ADD1: variants seen among roughly 807,000 people sequenced by gnomAD.
ADD1 encodes the protein adducin 1, also known as alpha-adducin.
Under a neutral mutation model 80.5 loss-of-function variants are expected in ADD1, and 24 were observed. The observed-to-expected ratio is 0.30, with a 90% CI of 0.22 to 0.42. ADD1 has a LOEUF of 0.42. ADD1 is among the 10% of genes least tolerant of loss of function. ADD1 has a pLI of 1.00. For synonymous variants in ADD1, 373 were observed against 393.8 expected (o/e 0.95, Z 0.63); for missense variants, 948 against 1,019.0 (o/e 0.93, Z 0.95).
chr4:2,897,810 C>G (rs1022247205), intron 6 of ADD1, among the ~76,000 whole-genome samples: 1 of 152,076 alleles, frequency 6.6e-6, no homozygotes, highest in South Asian at 2.1e-4. Flanking sequence ...GTGTGAGCCA[C>G]CATACCTGAT....
chr4:2,876,220 A>C, intron 2 of ADD1, 110 bp downstream of exon 2: 4 of 1,047,634 alleles, frequency 3.8e-6, no homozygotes, highest in East Asian at 2.5e-5. Context: ...TATCACAGGA[A>C]ATCAGTGCCT....
intron 3 of ADD1, among the ~76,000 whole-genome samples, chr4:2,883,462 T>G (rs975325304): frequency 6.6e-6 from 1 of 152,184 alleles, no homozygotes; most frequent in African/African-American, 2.4e-5. Flanking sequence ...TTCTTTCTGT[T>G]AAAATGATCC....
Position 2,876,166 on chromosome 4 carries a change from C to G in ADD1, c.195+56C>G, listed in dbSNP as rs1022292277. 7 of 1,534,264 alleles carry G rather than the reference C, an allele frequency of 4.6e-6. 1 individual carries two copies. In the Admixed American group the frequency reaches 5.9e-5, roughly 13 times the overall value. ...TGTCATCTTTCCTTTTCTAATACTTCAGGTCTTATGCCCTGTTGTATGAGT... is the reference window on the plus strand; with the variant it reads ...TGTCATCTTTCCTTTTCTAATACTTGAGGTCTTATGCCCTGTTGTATGAGT... On this transcript the variant is annotated intron_variant, in intron 2 of 15. Coordinates refer to ENST00000683351, the MANE Select transcript of ADD1 (RefSeq NM_001354761.2).
At chr4:2,905,462 C>T (rs917651075) in intron 10 of ADD1, 12 of 265,002 alleles carry the variant, frequency 4.5e-5, no homozygotes, top group Middle Eastern at 1.3e-3. Context: ...AAAGACACTT[C>T]AGTCCTAAAC....
chr4:2,915,483 G>T (rs2109131269), intron 14 of ADD1, among the ~76,000 whole-genome samples: 1 of 152,118 alleles, frequency 6.6e-6, no homozygotes, highest in South Asian at 2.1e-4. Context: ...TAGGAAAATA[G>T]AAAAAAAATT....
At chr4:2,923,540 C>T (rs573353406) in intron 14 of ADD1, among the ~76,000 whole-genome samples, 6 of 152,366 alleles carry the variant, frequency 3.9e-5, no homozygotes, top group Middle Eastern at 3.4e-3. Context: ...CCACCTTCTG[C>T]GTTGATCTCA....
chr4:2,918,663 C>A (rs1008260418), intron 14 of ADD1, among the ~76,000 whole-genome samples: 5 of 152,030 alleles, frequency 3.3e-5, no homozygotes, highest in Non-Finnish European at 7.3e-5. Flanking sequence ...TCATAAATAG[C>A]TCTTATTATT....
chr4:2,904,528 C>G, intron 9 of ADD1: 1 of 571,760 alleles, frequency 1.7e-6, no homozygotes, highest in Non-Finnish European at 3.1e-6. Flanking sequence ...TATGGATGGA[C>G]TTTTGGGTTG....
chr4:2,873,538 C>G (rs2108881362), intron 1 of ADD1, among the ~76,000 whole-genome samples: 1 of 152,312 alleles, frequency 6.6e-6, no homozygotes, highest in East Asian at 1.9e-4. Flanking sequence ...CAATTTGTAA[C>G]TAGGGGAAAG....
At position 2,905,324 on chromosome 4, in the gene ADD1, G is replaced by A. The variant is rs927022200; in HGVS notation, c.1506+216G>A. 1.6e-4 allele frequency: 94 copies of A among 584,020 alleles called. No homozygotes were observed. The Admixed American group carries it at 1.6e-3, about 10-fold the overall frequency. The allele number at this position is 584,020 out of a possible 1,614,324, so 36.2% of individuals were successfully genotyped here. A position where few individuals can be genotyped will look rare whatever the true frequency, so the allele number is the denominator to read the frequency against. ...ACTGCTTAAGATGTAATGTAACTCC[G>A]CAGTAGTTCCAGTATATCTCCGTAT... On this transcript the variant is annotated intron_variant, in intron 10 of 15. Coordinates refer to ENST00000683351, the MANE Select transcript of ADD1 (RefSeq NM_001354761.2).
Position 2,905,037 on chromosome 4 carries a change from G to C in ADD1, c.1435G>C (p.Asp479His). 1 of 1,614,184 alleles carries C rather than the reference G, an allele frequency of 6.2e-7. No individual in the cohort carries two copies. Among genetic ancestry groups the C allele is most frequent in the Non-Finnish European group, 8.5e-7 (1 of 1,180,040 alleles). ...KTKVWTNITH[D>H]HVKPLLQSLS... ...TAAGGTGTGGACGAACATTACACAC[G>C]ATCACGTGAAACCCTTGCTGCAGTC... Residue 479 changes from aspartate (D) to histidine (H), a missense_variant, in exon 10 of 16, where the codon GAT (aspartate) becomes CAT (histidine). By Grantham distance (81) the Asp-to-His change is moderately conservative. Transcript: ENST00000683351.
intron 1 of ADD1, among the ~76,000 whole-genome samples, chr4:2,861,823 G>C (rs1728860536): frequency 6.6e-6 from 1 of 152,200 alleles, no homozygotes; most frequent in Non-Finnish European, 1.5e-5. Context: ...GCCTGGATCA[G>C]TGTGATCCTT....
At chr4:2,885,382 C>A (rs1489619320) in intron 4 of ADD1, among the ~76,000 whole-genome samples, 1 of 152,174 alleles carries the variant, frequency 6.6e-6, no homozygotes, top group East Asian at 1.9e-4. Flanking sequence ...CTTAGCCTGG[C>A]AACCATAACT....
intron 6 of ADD1, among the ~76,000 whole-genome samples, chr4:2,896,138 C>T (rs1288101641): frequency 1.3e-5 from 2 of 152,022 alleles, no homozygotes; most frequent in Non-Finnish European, 2.9e-5. Context: ...CCGCCCGCTT[C>T]GGCCTCCCAA....
At chr4:2,921,317 A>G (rs1043643057) in intron 14 of ADD1, among the ~76,000 whole-genome samples, 3 of 152,030 alleles carry the variant, frequency 2.0e-5, no homozygotes, top group Non-Finnish European at 2.9e-5. Context: ...TTTAGTAGAG[A>G]TGGGGTTTCA....
At chr4:2,922,530 C>T (rs1487450594) in intron 14 of ADD1, among the ~76,000 whole-genome samples, 2 of 152,198 alleles carry the variant, frequency 1.3e-5, no homozygotes, top group South Asian at 2.1e-4. Context: ...CAGAGGGGCA[C>T]CTGCCAGATG....
At chr4:2,927,281 A>C (rs1711931297) in intron 15 of ADD1, among the ~76,000 whole-genome samples, 1 of 152,108 alleles carries the variant, frequency 6.6e-6, no homozygotes, top group South Asian at 2.1e-4. Context: ...GTTCTCATGA[A>C]GCGTGGCCTG....
At chr4:2,876,988 C>T (rs1351209579) in intron 2 of ADD1, among the ~76,000 whole-genome samples, 3 of 137,146 alleles carry the variant, frequency 2.2e-5, no homozygotes, top group African/African-American at 5.7e-5. Context: ...GGCAACAGAG[C>T]GAGACTCTGT....
chr4:2,871,094 G>T (rs778955956), intron 1 of ADD1, among the ~76,000 whole-genome samples: 22 of 151,230 alleles, frequency 1.5e-4, no homozygotes, highest in Admixed American at 2.6e-4. Context: ...TCAGCCTCCC[G>T]AGTAGCTGGG....
Sources: gnomAD v4.1 joint callset for allele counts (sites outside exome capture counted in the v4.1 genomes callset) on GRCh38, gnomAD v4.1.1 for gene constraint, MANE v1.5 for transcripts, NCBI Gene and HGNC (gene_info 2026-07-23, HGNC 2026-07-21) for gene names.